The following CDH9 variants were observed in gnomAD, a reference collection of about 807,000 sequenced individuals.
CDH9 encodes the protein cadherin-9.
In CDH9, 28 loss-of-function variants were observed where a neutral mutation model predicts 70.9. The ratio of observed to expected loss-of-function variants is 0.40; its 90% CI spans 0.29 to 0.54. The LOEUF is 0.54. Among genes scored for constraint, CDH9 ranks in the 20% least tolerant of loss-of-function variants. The pLI, the probability that CDH9 is intolerant of heterozygous loss-of-function variation, is 0.59. For missense variants in CDH9, 874 were observed against 984.4 expected, an observed-to-expected ratio of 0.89 and a Z score of 1.50; for synonymous variants, 409 against 343.1, an observed-to-expected ratio of 1.19 and a Z score of -2.12.
intron 2 of CDH9, among the ~76,000 whole-genome samples, chr5:26,930,437 G>C (rs2112023190): frequency 6.6e-6 from 1 of 152,152 alleles, no homozygotes; most frequent in Middle Eastern, 3.4e-3. Context: ...TCACATATGT[G>C]AAAAGTTGGC....
chr5:26,954,230 T>C, intron 2 of CDH9, among the ~76,000 whole-genome samples: 1 of 152,064 alleles, frequency 6.6e-6, no homozygotes, highest in Non-Finnish European at 1.5e-5. Flanking sequence ...AATAAAGATT[T>C]TTCTGACTAT....
intron 7 of CDH9, among the ~76,000 whole-genome samples, chr5:26,892,517 A>T (rs1579665863): frequency 1.3e-5 from 2 of 152,186 alleles, no homozygotes; most frequent in South Asian, 4.1e-4. Flanking sequence ...TTAACAGGCT[A>T]ATCAGCCTCT....
chr5:26,928,891 A>G (rs1465078280), intron 2 of CDH9, among the ~76,000 whole-genome samples: 1 of 152,002 alleles, frequency 6.6e-6, no homozygotes, highest in East Asian at 1.9e-4. Flanking sequence ...GGAAACTACT[A>G]AAAGAAAACA....
chr5:26,964,058 A>T (rs2112064814), intron 2 of CDH9, among the ~76,000 whole-genome samples: 1 of 152,242 alleles, frequency 6.6e-6, no homozygotes, highest in Admixed American at 6.5e-5. Flanking sequence ...ATATAATAAA[A>T]AATTGTGAAG....
intron 7 of CDH9, among the ~76,000 whole-genome samples, chr5:26,899,088 G>C (rs1484885629): frequency 1.3e-4 from 20 of 152,014 alleles, no homozygotes; most frequent in Admixed American, 1.3e-3. Context: ...CATCACTGGT[G>C]ATTAGAGAAA....
chr5:26,973,399 T>C (rs1476239777), intron 2 of CDH9, among the ~76,000 whole-genome samples: 7 of 152,172 alleles, frequency 4.6e-5, no homozygotes, highest in African/African-American at 1.4e-4. Flanking sequence ...TTTTCTTTTG[T>C]ACATTAGCTT....
chr5:26,881,531 A>G lies in CDH9; in HGVS notation c.1975T>C (p.Tyr659His), dbSNP rs1338719800. Residue 659 changes from tyrosine to histidine, a missense_variant, in exon 12 of 12, where the codon TAC becomes CAC. Tyr to His is a moderately conservative substitution (Grantham distance 83). Coordinates refer to ENST00000231021, the MANE Select transcript of CDH9 (RefSeq NM_016279.4). Reference protein sequence around the residue: ...KDDVRDNIVTYNDEGGGEEDT... With the variant: ...KDDVRDNIVTHNDEGGGEEDT... ...TCTTCCCCGCCGCCTTCATCGTTGT[A>G]GGTCACAATGTTGTCCCGGACATCG... The G allele has an allele frequency of 6.2e-7, 1 of 1,613,656 alleles. No individual in the cohort carries two copies. The highest frequency in any genetic ancestry group is 8.5e-7 in the Non-Finnish European group (1 of 1,179,812).
In CDH9 at chr5:26,915,808, T is replaced by C; in HGVS notation, c.345A>G (p.Lys115=). The C allele has an allele frequency of 6.2e-7, 1 of 1,613,642 alleles. No homozygotes were observed. Among genetic ancestry groups the C allele is most frequent in the Non-Finnish European group, 8.5e-7 (1 of 1,179,614 alleles). Reference sequence around the variant, plus strand: ...ACAGAGATTTTTCTTCTCTGTCTAGTTTCTTTGCAGCATGAATGTCTCCTG... The same window carrying C: ...ACAGAGATTTTTCTTCTCTGTCTAGCTTCTTTGCAGCATGAATGTCTCCTG... ...ENTGDIHAAK[K]LDREEKSLYI... Residue 115 remains lysine, a synonymous_variant, in exon 3 of 12, where the codon AAA becomes AAG. Transcript: ENST00000231021.
At chr5:26,968,240 AC>A (rs1742161208) in intron 2 of CDH9, among the ~76,000 whole-genome samples, 1 of 152,054 alleles carries the variant, frequency 6.6e-6, no homozygotes, top group Non-Finnish European at 1.5e-5. Context: ...AAATCCAGAG[AC>A]GATTACAGGG....
intron 2 of CDH9, among the ~76,000 whole-genome samples, chr5:26,940,686 C>A (rs1042376988): frequency 1.3e-4 from 20 of 152,190 alleles, no homozygotes; most frequent in African/African-American, 4.8e-4. Flanking sequence ...TAACAGGGAG[C>A]AGAACCATTG....
chr5:26,885,678 G>T lies in CDH9; in HGVS notation c.1818C>A (p.Ile606=), dbSNP rs762551054. 3 of 1,613,722 alleles carry T rather than the reference G, an allele frequency of 1.9e-6. No homozygotes were observed. Among genetic ancestry groups the T allele is most frequent in the Non-Finnish European group, 1.7e-6 (2 of 1,179,806 alleles). Reference sequence around the variant, plus strand: ...CTCCCGTGCTCAGGCCGGCTGAAAGGATCAGGGCTTCTGCGGTGCAGGATT... The same window carrying T: ...CTCCCGTGCTCAGGCCGGCTGAAAGTATCAGGGCTTCTGCGGTGCAGGATT... ...NMQSCTAEAL[I]LSAGLSTGAL... The change falls in exon 11 of 12, where the codon ATC becomes ATA. Residue 606 remains isoleucine, a synonymous_variant. Transcript: ENST00000231021.
intron 1 of CDH9, among the ~76,000 whole-genome samples, chr5:26,988,979 A>AT (rs971064113): frequency 6.6e-6 from 1 of 151,736 alleles, no homozygotes; most frequent in Admixed American, 6.6e-5. Flanking sequence ...ATCAATAACT[A>AT]TTTTTTTCCA....
rs1297376458 is a variant in CDH9, at chr5:26,890,052, G to A, written c.1391-95C>T. 2.6e-6 allele frequency: 3 copies of A among 1,143,384 alleles called. No individual in the cohort carries two copies. In the African/African-American group the frequency reaches 4.7e-5, roughly 18 times the overall value. 70.8% of individuals were successfully genotyped at this position (1,143,384 alleles called of 1,614,324 possible). On this transcript the variant is annotated intron_variant, in intron 8 of 11. Transcript: ENST00000231021. ...TAGCTTAGCAACAGATCCTTTTTGT[G>A]GTGTTCACTTTCTCAATTGGGCTGC...
chr5:27,013,195 A>G lies in CDH9; in HGVS notation c.-49-24813T>C, dbSNP rs1742987582. 5.3e-5 allele frequency among the ~76,000 whole-genome samples: 8 copies of G among 151,964 alleles called. No individual in the cohort carries two copies. In the South Asian group the frequency reaches 1.7e-3, roughly 31 times the overall value. On this transcript the variant is annotated intron_variant, in intron 1 of 11. Transcript: ENST00000231021. ...ATACAAAACTTGAGCATACCCAGTC[A>G]AAAACTGGCACCTAAAGTTTAACTA...
In CDH9 at chr5:26,899,688, G is replaced by C. The variant is rs150792886; in HGVS notation, c.1253+2788C>G. Among the ~76,000 whole-genome samples the C allele has an allele frequency of 6.1e-4, 92 of 151,942 alleles. 1 individual carries two copies. In the East Asian group the frequency reaches 0.016, roughly 26 times the overall value. ...AACAATGAGAACCCATGGACACAGGGAGGGGAACATCACACACCAGGGCCT... is the reference window on the plus strand; with the variant it reads ...AACAATGAGAACCCATGGACACAGGCAGGGGAACATCACACACCAGGGCCT... On this transcript the variant is annotated intron_variant, in intron 7 of 11. Transcript: ENST00000231021.
At chr5:26,921,987 A>G (rs1387547946) in intron 2 of CDH9, among the ~76,000 whole-genome samples, 1 of 151,488 alleles carries the variant, frequency 6.6e-6, no homozygotes, top group Non-Finnish European at 1.5e-5. Flanking sequence ...AGAAACAATT[A>G]GCTTGAAGAC....
intron 2 of CDH9, among the ~76,000 whole-genome samples, chr5:26,957,654 G>T (rs992132516): frequency 1.3e-5 from 2 of 150,742 alleles, no homozygotes; most frequent in East Asian, 3.9e-4. Context: ...AGAAGAGACG[G>T]TCTCAAAAAA....
At chr5:26,973,959 C>T (rs1337571405) in intron 2 of CDH9, among the ~76,000 whole-genome samples, 1 of 151,994 alleles carries the variant, frequency 6.6e-6, no homozygotes, top group East Asian at 1.9e-4. Context: ...AAAAGGCTGT[C>T]TATAGCTGGG....
At chr5:26,888,517 G>A (rs1740602569) in intron 9 of CDH9, among the ~76,000 whole-genome samples, 1 of 152,072 alleles carries the variant, frequency 6.6e-6, no homozygotes, top group Non-Finnish European at 1.5e-5. Flanking sequence ...AAACTGAGAT[G>A]CCCATTATAT....
Sources: allele counts gnomAD v4.1 joint callset (sites outside exome capture counted in the v4.1 genomes callset), GRCh38; gene constraint gnomAD v4.1.1; transcripts MANE v1.5; gene names NCBI Gene and HGNC (gene_info 2026-07-23, HGNC 2026-07-21).